The following C12orf56 variants were observed in gnomAD, a reference collection of about 807,000 sequenced individuals.
C12orf56 encodes chromosome 12 open reading frame 56.
In C12orf56, 71 loss-of-function variants were observed where a neutral mutation model predicts 69.9. That is an observed-to-expected ratio of 1.02 (90% CI 0.84 to 1.24). The LOEUF is 1.24. Ranked by LOEUF, C12orf56 falls within the 50% of genes most tolerant of loss-of-function variation. The probability of loss-of-function intolerance (pLI) is 0.00; values close to 1 mark genes in which losing one functional copy is unlikely to be tolerated. For missense variants in C12orf56, 732 were observed against 738.5 expected (o/e 0.99, Z 0.10); for synonymous variants, 276 against 274.1 (o/e 1.01, Z -0.07).
chr12:64,370,293 C>A (rs1004677834), intron 1 of C12orf56, among the ~76,000 whole-genome samples: 1 of 139,746 alleles, frequency 7.2e-6, no homozygotes, highest in African/African-American at 2.7e-5. Context: ...TGCAATGAGC[C>A]AAGATTGTGC....
At position 64,386,398 on chromosome 12, in the gene C12orf56, A is replaced by ATAT. The variant is rs752756817; in HGVS notation, c.252+3915_252+3916insATA. Among the ~76,000 whole-genome samples, 175 of 87,342 alleles carry ATAT rather than the reference A, an allele frequency of 2.0e-3. 4 individuals carry two copies. Among genetic ancestry groups the ATAT allele is most frequent in the African/African-American group, 8.1e-3 (163 of 20,048 alleles). The allele number at this position is 87,342 out of a possible 152,430, so 57.3% of individuals were successfully genotyped here. A position where few individuals can be genotyped will look rare whatever the true frequency, so the allele number is the denominator to read the frequency against. On this transcript the variant is annotated intron_variant, in intron 1 of 12. Coordinates refer to ENST00000543942, the MANE Select transcript of C12orf56 (RefSeq NM_001170633.2). ...CTGGCTAATTTTTATATATATATAT[A>ATAT]TTTTTTTTTTTTTTTGAGACGGAGT...
intron 7 of C12orf56, 98 bp from the exon 8 acceptor site, chr12:64,284,851 T>C: frequency 1.2e-6 from 1 of 817,492 alleles, no homozygotes; most frequent in Non-Finnish European, 1.9e-6. Context: ...TGCTTCCAGA[T>C]ATCCATACAG....
At chr12:64,379,987 C>G (rs1169460202) in intron 1 of C12orf56, among the ~76,000 whole-genome samples, 1 of 150,244 alleles carries the variant, frequency 6.7e-6, no homozygotes, top group Non-Finnish European at 1.5e-5. Flanking sequence ...CGCCTGTAGT[C>G]CCAGCTACTC....
intron 6 of C12orf56, among the ~76,000 whole-genome samples, chr12:64,287,152 G>C (rs2038214087): frequency 6.6e-6 from 1 of 151,350 alleles, no homozygotes; most frequent in South Asian, 2.1e-4. Context: ...GGTGAGGCAG[G>C]AGAATCACTT....
At chr12:64,330,713 ATTAT>A (rs1432688700) in intron 3 of C12orf56, among the ~76,000 whole-genome samples, 1 of 152,214 alleles carries the variant, frequency 6.6e-6, no homozygotes. Flanking sequence ...ATTTTAATGA[ATTAT>A]TTATCTATAT....
At chr12:64,383,514 C>T (rs1210811159) in intron 1 of C12orf56, among the ~76,000 whole-genome samples, 5 of 152,024 alleles carry the variant, frequency 3.3e-5, no homozygotes, top group African/African-American at 1.2e-4. Flanking sequence ...GTAGCTGGGA[C>T]TACAGACGCG....
intron 2 of C12orf56, among the ~76,000 whole-genome samples, chr12:64,334,453 G>C (rs1276761923): frequency 6.6e-6 from 1 of 152,204 alleles, no homozygotes; most frequent in Non-Finnish European, 1.5e-5. Flanking sequence ...ATAGAAAATG[G>C]TATAGTATTT....
intron 6 of C12orf56, among the ~76,000 whole-genome samples, chr12:64,303,044 G>A (rs967731467): frequency 3.9e-5 from 6 of 151,978 alleles, no homozygotes; most frequent in Non-Finnish European, 7.4e-5. Context: ...AGGCCAAGAC[G>A]GGTGGATCAC....
At chr12:64,349,393 A>T (rs2039191608) in intron 2 of C12orf56, among the ~76,000 whole-genome samples, 1 of 152,222 alleles carries the variant, frequency 6.6e-6, no homozygotes. Context: ...GTGATCAGGG[A>T]ACACTTTTAC....
chr12:64,333,703 C>T (rs902370100), intron 2 of C12orf56, among the ~76,000 whole-genome samples: 1 of 152,030 alleles, frequency 6.6e-6, no homozygotes, highest in African/African-American at 2.4e-5. Flanking sequence ...GGTTTCACCA[C>T]TTTGTCCAGG....
At position 64,390,725 on chromosome 12, in the gene C12orf56, A is replaced by G; in HGVS notation, c.-160T>C. ...GGCCGCAACTGCAGGAATCGACGCT[A>G]GGTCGGCTTCCCTGGAGCGCCCTCC... On this transcript the variant is annotated 5_prime_UTR_variant, in exon 1 of 13. Coordinates refer to ENST00000543942, the MANE Select transcript of C12orf56 (RefSeq NM_001170633.2). The G allele has an allele frequency of 1.8e-6, 2 of 1,089,944 alleles. No homozygotes were observed. Among genetic ancestry groups the G allele is most frequent in the Non-Finnish European group, 2.4e-6 (2 of 819,538 alleles). 67.5% of individuals were successfully genotyped at this position (1,089,944 alleles called of 1,614,324 possible). A position where few individuals can be genotyped will look rare whatever the true frequency, so the allele number is the denominator to read the frequency against.
At chr12:64,369,157 C>CAA (rs56135769) in intron 1 of C12orf56, among the ~76,000 whole-genome samples, 24,557 of 136,742 alleles carry the variant, frequency 0.18, 2,602 homozygotes, top group East Asian at 0.36. Flanking sequence ...CATCTCTCTA[C>CAA]AAAAAAAAAA....
chr12:64,374,834 ATCC>A (rs1592500369), intron 1 of C12orf56, among the ~76,000 whole-genome samples: 1 of 152,098 alleles, frequency 6.6e-6, no homozygotes, highest in East Asian at 1.9e-4. Context: ...GTGAGCCACC[ATCC>A]CCAGTCTTTA....
At chr12:64,328,679 C>CAAAAAAAAAAAAAA (rs59688148) in intron 3 of C12orf56, among the ~76,000 whole-genome samples, 13 of 57,916 alleles carry the variant, frequency 2.2e-4, no homozygotes, top group Admixed American at 6.7e-4. Context: ...GACTCCATCT[C>CAAAAAAAAAAAAAA]AAAAAAAAAA....
At chr12:64,302,063 G>A (rs2038453388) in intron 6 of C12orf56, among the ~76,000 whole-genome samples, 1 of 152,152 alleles carries the variant, frequency 6.6e-6, no homozygotes, top group Admixed American at 6.5e-5. Context: ...GGGTGGACTG[G>A]AGAGGTTTAT....
At chr12:64,345,354 T>G (rs2135942966) in intron 2 of C12orf56, among the ~76,000 whole-genome samples, 1 of 152,290 alleles carries the variant, frequency 6.6e-6, no homozygotes, top group South Asian at 2.1e-4. Context: ...GAAAGACTGA[T>G]GGCAGCATGG....
At chr12:64,353,077 C>A (rs764697550) in intron 1 of C12orf56, 21 bp from the exon 2 acceptor site, 2 of 1,607,626 alleles carry the variant, frequency 1.2e-6, no homozygotes, top group Non-Finnish European at 8.5e-7. Flanking sequence ...AATTAATTCA[C>A]CTCATTGAAG....
At chr12:64,334,453 G>T (rs1276761923) in intron 2 of C12orf56, among the ~76,000 whole-genome samples, 5 of 152,204 alleles carry the variant, frequency 3.3e-5, no homozygotes, top group South Asian at 2.1e-4. Context: ...ATAGAAAATG[G>T]TATAGTATTT....
At chr12:64,345,594 T>C (rs1158822027) in intron 2 of C12orf56, among the ~76,000 whole-genome samples, 2 of 152,178 alleles carry the variant, frequency 1.3e-5, no homozygotes, top group Non-Finnish European at 2.9e-5. Context: ...GCGACTTGCA[T>C]GATAAGAGCT....
Sources: gnomAD v4.1 joint callset for allele counts (sites outside exome capture counted in the v4.1 genomes callset) on GRCh38, gnomAD v4.1.1 for gene constraint, MANE v1.5 for transcripts, NCBI Gene and HGNC (gene_info 2026-07-23, HGNC 2026-07-21) for gene names.